Variants in LZTR1 observed in about 807,000 individuals in gnomAD.
The protein encoded by LZTR1 is leucine zipper like post translational regulator 1.
Under a neutral mutation model 105.7 loss-of-function variants are expected in LZTR1, and 260 were observed. The observed-to-expected ratio is 2.46, with a 90% CI of 2.22 to 2.72. LZTR1 has a LOEUF of 2.72. Ranked by LOEUF, LZTR1 falls within the 30% of genes most tolerant of loss-of-function variation. LZTR1 has a pLI of 0.00. For synonymous variants in LZTR1, 490 were observed against 476.4 expected, an observed-to-expected ratio of 1.03 and a Z score of -0.37; for missense variants, 1,214 against 1,166.9, an observed-to-expected ratio of 1.04 and a Z score of -0.59.
chr22:20,996,917 T>C lies in LZTR1; in HGVS notation c.2357T>C (p.Leu786Pro), dbSNP rs1164174103. ...ILEAADKTQA[L>P]DMKRHCLHII... ...GAGGCAGCTGACAAAACGCAGGCAC[T>C]GGACATGAAGCGGCACTGCCTGCAC... The change falls in exon 20 of 21, where the codon CTG becomes CCG. Residue 786 changes from leucine (L) to proline (P), a missense_variant. Physicochemically the swap from Leu to Pro is moderately conservative, Grantham distance 98 (BLOSUM62 -3). Transcript: ENST00000646124. 21 of 1,613,218 alleles carry C rather than the reference T, an allele frequency of 1.3e-5. No homozygotes were observed. Among genetic ancestry groups the C allele is most frequent in the East Asian group, 1.1e-4 (5 of 44,852 alleles).
chr22:20,996,972 G>C lies in LZTR1; in HGVS notation c.2406+6G>C. ...TTGTGCACCAGTTCACCAAGGTCAG[G>C]GCTCTGGCCTCCCCTTCAGGACTCG... On this transcript the variant is annotated splice_donor_region_variant and intron_variant, in intron 20 of 20. Transcript: ENST00000646124. 6.2e-7 allele frequency: 1 copy of C among 1,613,126 alleles called. No homozygotes were observed. The highest frequency in any genetic ancestry group is 8.5e-7 in the Non-Finnish European group (1 of 1,179,558).
intron 11 of LZTR1, among the ~76,000 whole-genome samples, 195 bp downstream of exon 11, chr22:20,993,099 G>A (rs1278419072): frequency 6.6e-6 from 1 of 152,248 alleles, no homozygotes; most frequent in African/African-American, 2.4e-5. Flanking sequence ...TTCGTGCAGT[G>A]GGGCAGGCAG....
Position 20,994,966 on chromosome 22 carries a change from A to G in LZTR1, c.1882A>G (p.Ile628Val). ...CCTCTCCTCTCCACTGATAGTGGAG[A>G]TTGTGCGGCGGAAGCAGCAGCCGCC... is the stretch of plus-strand genomic sequence containing the variant. ...ERLSSPLIVE[I>V]VRRKQQPPPR... Residue 628 changes from isoleucine to valine, a missense_variant, in exon 16 of 21, where the codon ATT becomes GTT. Coordinates refer to ENST00000646124, the MANE Select transcript of LZTR1 (RefSeq NM_006767.4). 4 of 1,613,188 alleles carry G rather than the reference A, an allele frequency of 2.5e-6. No homozygotes were observed. Among genetic ancestry groups the G allele is most frequent in the Non-Finnish European group, 3.4e-6 (4 of 1,179,974 alleles).
At chr22:20,995,461 G>C (rs777963503) in intron 16 of LZTR1, 1 of 650,812 alleles carries the variant, frequency 1.5e-6, no homozygotes, top group South Asian at 1.5e-5. Flanking sequence ...CATGCAGTGG[G>C]CCTGGAGGGG....
intron 2 of LZTR1, among the ~76,000 whole-genome samples, chr22:20,984,617 G>GC (rs56211814): frequency 0.55 from 79,972 of 144,538 alleles, 24,972 homozygotes; most frequent in Non-Finnish European, 0.66. Context: ...GTAAGGAGGG[G>GC]GGGGGGGCGG....
chr22:20,996,488 G>A (rs778928163), intron 18 of LZTR1: 1 of 596,882 alleles, frequency 1.7e-6, no homozygotes, highest in Non-Finnish European at 3.0e-6. Flanking sequence ...CAGCGCTACA[G>A]ATGTACAGAC....
intron 2 of LZTR1, 163 bp downstream of exon 2, chr22:20,983,252 T>C (rs144986521): frequency 1.5e-6 from 1 of 652,802 alleles, no homozygotes; most frequent in East Asian, 2.7e-5. Flanking sequence ...TCCCTGGTCG[T>C]GGTGAGGATT....
intron 2 of LZTR1, 62 bp downstream of exon 2, chr22:20,983,151 G>A (rs1012003516): frequency 2.2e-5 from 32 of 1,435,160 alleles, no homozygotes; most frequent in Non-Finnish European, 3.1e-5. Flanking sequence ...GTCAGGGACT[G>A]GGCCTGTCCA....
intron 20 of LZTR1, 93 bp from the exon 21 acceptor site, chr22:20,997,139 C>G (rs751354260): frequency 8.8e-7 from 1 of 1,133,840 alleles, no homozygotes. Flanking sequence ...CCAGCCTGAG[C>G]CCTGAGCAGG....
Position 20,989,608 on chromosome 22 carries a change from G to T in LZTR1, c.594-17G>T. On this transcript the variant is annotated splice_polypyrimidine_tract_variant and intron_variant, in intron 6 of 20. Coordinates refer to ENST00000646124, the MANE Select transcript of LZTR1 (RefSeq NM_006767.4). ...CCACCAGACCCAAGGGGTCCTCACT[G>T]GTCTGTCCTAATACAGGTTGAATGA... is the stretch of plus-strand genomic sequence containing the variant. 2.5e-6 allele frequency: 4 copies of T among 1,612,092 alleles called. No individual in the cohort carries two copies. The Middle Eastern group carries it at 6.6e-4, about 266-fold the overall frequency.
At position 20,993,732 on chromosome 22, in the gene LZTR1, A is replaced by T. The variant is rs1165976665; in HGVS notation, c.1331A>T (p.Asp444Val). ...CTGTGGGAGAGCCGCCAGTTCTGCGACGTGGAGTTCGTGCTGGGTGAGGTG... is the reference window on the plus strand; with the variant it reads ...CTGTGGGAGAGCCGCCAGTTCTGCGTCGTGGAGTTCGTGCTGGGTGAGGTG... ...GRLWESRQFCDVEFVLGEKEE... is the reference protein window; with the variant it reads ...GRLWESRQFCVVEFVLGEKEE... Residue 444 changes from aspartate (D) to valine (V), a missense_variant, in exon 12 of 21, where the codon GAC becomes GTC. Transcript: ENST00000646124. 1 of 1,613,284 alleles carries T rather than the reference A, an allele frequency of 6.2e-7. No homozygotes were observed. Among genetic ancestry groups the T allele is most frequent in the Non-Finnish European group, 8.5e-7 (1 of 1,179,926 alleles).
At chr22:20,988,365 G>A (rs1037165711) in intron 5 of LZTR1, among the ~76,000 whole-genome samples, 2 of 152,182 alleles carry the variant, frequency 1.3e-5, no homozygotes, top group African/African-American at 4.8e-5. Flanking sequence ...AGTACTTTGG[G>A]AAGCCGAGGT....
chr22:20,987,546 C>T lies in LZTR1; in HGVS notation c.363C>T (p.His121=), dbSNP rs774690834. The T allele has an allele frequency of 6.2e-7, 1 of 1,614,152 alleles. No homozygotes were observed. Among genetic ancestry groups the T allele is most frequent in the Non-Finnish European group, 8.5e-7 (1 of 1,180,022 alleles). The part of the protein sequence containing the change: ...TGTPPAPRYH[H]SAVVYGSSMF... ...CCCCACCGGCCCCCCGTTACCACCA[C>T]TCGGCCGTCGTCTATGGGAGCAGCA... The change falls in exon 4 of 21, where the codon CAC becomes CAT. Residue 121 remains histidine, a synonymous_variant. Coordinates refer to ENST00000646124, the MANE Select transcript of LZTR1 (RefSeq NM_006767.4).
At position 20,994,221 on chromosome 22, in the gene LZTR1, G is replaced by A. The variant is rs762957611; in HGVS notation, c.1567G>A (p.Val523Met). 1.1e-5 allele frequency: 18 copies of A among 1,600,984 alleles called. No homozygotes were observed. The Middle Eastern group carries it at 6.6e-4, about 59-fold the overall frequency. Residue 523 changes from valine (V) to methionine (M), a missense_variant, in exon 14 of 21, where the codon GTG becomes ATG. Physicochemically the swap from Val to Met is conservative, Grantham distance 21 (BLOSUM62 1). Coordinates refer to ENST00000646124, the MANE Select transcript of LZTR1 (RefSeq NM_006767.4). ...GGAGGCCGAGGCCCGGCCCTTCGAGGTGCTCATGCAGTTCCTCTACACCGA... is the reference window on the plus strand; with the variant it reads ...GGAGGCCGAGGCCCGGCCCTTCGAGATGCTCATGCAGTTCCTCTACACCGA... ...IREAEARPFE[V>M]LMQFLYTDKI... is the part of the protein sequence containing the mutation.
rs1322874120 is a variant in LZTR1 at position 20,992,258 on chromosome 22, G to A, written c.1038G>A (p.Glu346=). Residue 346 remains glutamate, a synonymous_variant, in exon 10 of 21, where the codon GAG becomes GAA. Transcript: ENST00000646124. ...EVPERACASE[E]VPTLTYEERV... ...CCGAGCGAGCCTGTGCTTCCGAGGA[G>A]GTGCCCACCCTGACCTATGAGGAGC... 1 of 1,614,012 alleles carries A rather than the reference G, an allele frequency of 6.2e-7. No homozygotes were observed. Among genetic ancestry groups the A allele is most frequent in the East Asian group, 2.2e-5 (1 of 44,880 alleles).
Position 20,987,532 on chromosome 22 carries a change from C to T in LZTR1, c.349C>T (p.Pro117Ser). ...RAFTTGTPPA[P>S]RYHHSAVVYG... ...CTTTACCACTGGGACCCCACCGGCC[C>T]CCCGTTACCACCACTCGGCCGTCGT... is the stretch of plus-strand genomic sequence containing the variant. Residue 117 changes from proline (P) to serine (S), a missense_variant, in exon 4 of 21, where the codon CCC becomes TCC. By Grantham distance (74) the Pro-to-Ser change is moderately conservative (BLOSUM62 -1). Transcript: ENST00000646124. 2 of 1,614,174 alleles carry T rather than the reference C, an allele frequency of 1.2e-6. No homozygotes were observed. Among genetic ancestry groups the T allele is most frequent in the Non-Finnish European group, 1.7e-6 (2 of 1,180,004 alleles).
chr22:20,994,726 AG>A lies in LZTR1; in HGVS notation c.1785+1del. The A allele has an allele frequency of 6.2e-7, 1 of 1,611,092 alleles. No homozygotes were observed. ...GCCCGGCTGCAGCTGAGCCAACTCA[AG>A]GTGTGGGGTGGGGTCAGCGCAATCA... Reference protein sequence around the residue: ...SAARLQLSQLKEHCLNFVVKE... With the variant: ...SAARLQLSQLXEHCLNFVVKE... On this transcript the variant is annotated frameshift_variant and splice_region_variant, in exon 15 of 21. Coordinates refer to ENST00000646124, the MANE Select transcript of LZTR1 (RefSeq NM_006767.4). LOFTEE classifies it high-confidence loss of function.
chr22:20,992,944 G>A (rs1041627755), intron 11 of LZTR1, 40 bp downstream of exon 11: 34 of 1,375,982 alleles, frequency 2.5e-5, no homozygotes, highest in South Asian at 3.9e-5. Context: ...CTGGGTGGAC[G>A]GATCCCCCGT....
chr22:20,987,628 C>T lies in LZTR1; in HGVS notation c.400+45C>T. 2.6e-6 allele frequency: 4 copies of T among 1,531,354 alleles called. No individual in the cohort carries two copies. In the South Asian group the frequency reaches 4.5e-5, roughly 17 times the overall value. 94.9% of individuals were successfully genotyped at this position (1,531,354 alleles called of 1,614,324 possible). Reference sequence around the variant, plus strand: ...CCAGGGGCTGTGTCGCCCCGAGGCCCACAGACACCCTGCCCTTCTGCAGGC... The same window carrying T: ...CCAGGGGCTGTGTCGCCCCGAGGCCTACAGACACCCTGCCCTTCTGCAGGC... On this transcript the variant is annotated intron_variant, in intron 4 of 20. Coordinates refer to ENST00000646124, the MANE Select transcript of LZTR1 (RefSeq NM_006767.4).
Sources: gnomAD v4.1 joint callset for allele counts (sites outside exome capture counted in the v4.1 genomes callset) on GRCh38, gnomAD v4.1.1 for gene constraint, MANE v1.5 for transcripts, NCBI Gene and HGNC (gene_info 2026-07-23, HGNC 2026-07-21) for gene names.